DET1: variants seen among roughly 807,000 people sequenced by gnomAD.
DET1 encodes the protein DET1 homolog.
DET1 carries 22 observed loss-of-function variants against 43.7 expected under a neutral mutation model. The ratio of observed to expected loss-of-function variants is 0.50; its 90% CI spans 0.36 to 0.72. The LOEUF is 0.72. Among genes scored for constraint, DET1 ranks in the 30% least tolerant of loss-of-function variants. The pLI, the probability that DET1 is intolerant of heterozygous loss-of-function variation, is 0.00. For synonymous variants in DET1, 315 were observed against 266.2 expected, an observed-to-expected ratio of 1.18 and a Z score of -1.79; for missense variants, 713 against 713.3, an observed-to-expected ratio of 1.00 and a Z score of 0.00.
At chr15:88,530,000 TC>T (rs2056769137) in intron 2 of DET1, among the ~76,000 whole-genome samples, 1 of 152,228 alleles carries the variant, frequency 6.6e-6, no homozygotes, top group South Asian at 2.1e-4. Flanking sequence ...CTGATGACTC[TC>T]CTCACGGATC....
chr15:88,503,460 A>G (rs1423010784), intron 8 of DET1: 3 of 152,240 alleles, frequency 2.0e-5, no homozygotes, highest in Non-Finnish European at 4.4e-5. Flanking sequence ...TAACCAGTTT[A>G]GACCTAAATA....
chr15:88,543,895 T>C (rs1156951339), intron 1 of DET1, among the ~76,000 whole-genome samples: 1 of 152,166 alleles, frequency 6.6e-6, no homozygotes, highest in Non-Finnish European at 1.5e-5. Context: ...AGCAAGGTTC[T>C]AAACCCAGCC....
intron 8 of DET1, chr15:88,503,421 C>G (rs1444914822): frequency 6.6e-6 from 1 of 151,970 alleles, no homozygotes; most frequent in Non-Finnish European, 1.5e-5. Context: ...ATCAAATTTC[C>G]CTATTAATAT....
intron 3 of DET1, among the ~76,000 whole-genome samples, chr15:88,523,010 G>C (rs931486859): frequency 6.6e-6 from 1 of 151,478 alleles, no homozygotes; most frequent in Non-Finnish European, 1.5e-5. Context: ...GCCCCTCCAA[G>C]TAGCTGAGCC....
chr15:88,536,319 G>T, intron 1 of DET1: 1 of 778,792 alleles, frequency 1.3e-6, no homozygotes, highest in Non-Finnish European at 2.4e-6. Context: ...TACCTTTTTA[G>T]TATCTGTCCC....
chr15:88,539,856 G>A (rs532631359), intron 1 of DET1, among the ~76,000 whole-genome samples: 10 of 152,280 alleles, frequency 6.6e-5, no homozygotes, highest in South Asian at 2.1e-4. Flanking sequence ...AGATTAAACC[G>A]GTGGTGGGTT....
Position 88,531,820 on chromosome 15 carries a change from G to C in DET1, c.-10-105C>G. 1 of 1,113,050 alleles carries C rather than the reference G, an allele frequency of 9.0e-7. No individual in the cohort carries two copies. The highest frequency in any genetic ancestry group is 1.6e-5 in the African/African-American group (1 of 63,302). The allele number at this position is 1,113,050 out of a possible 1,614,324, so 68.9% of individuals were successfully genotyped here. A position where few individuals can be genotyped will look rare whatever the true frequency, so the allele number is the denominator to read the frequency against. On this transcript the variant is annotated intron_variant, in intron 1 of 4. Transcript: ENST00000268148. The surrounding 1 kb of genome is among the most constrained non-coding windows in gnomAD (Gnocchi z 6.2). ...TTCTCTTCTTATATCCTGAACCTAG[G>C]AGCTCCCAAGATGACAGTGACTGGC... is the stretch of plus-strand genomic sequence containing the variant.
chr15:88,526,169 A>G (rs976909515), intron 3 of DET1, among the ~76,000 whole-genome samples: 1 of 152,246 alleles, frequency 6.6e-6, no homozygotes, highest in African/African-American at 2.4e-5. Flanking sequence ...TTCAATAGCC[A>G]TCTATCTGTA....
chr15:88,515,371 C>A (rs2056312535), intron 4 of DET1, among the ~76,000 whole-genome samples: 1 of 151,600 alleles, frequency 6.6e-6, no homozygotes, highest in South Asian at 2.1e-4. Flanking sequence ...GAAACCCCGT[C>A]TCTACAAAAA....
chr15:88,538,131 A>C (rs1292809190), intron 1 of DET1, among the ~76,000 whole-genome samples: 1 of 152,198 alleles, frequency 6.6e-6, no homozygotes, highest in Non-Finnish European at 1.5e-5. Flanking sequence ...GAATTGGGAC[A>C]CTTGTAATGC....
intron 1 of DET1, among the ~76,000 whole-genome samples, chr15:88,537,435 A>G (rs980507004): frequency 6.6e-6 from 1 of 152,110 alleles, no homozygotes; most frequent in Non-Finnish European, 1.5e-5. Flanking sequence ...TCCCTGGCTC[A>G]AGTGATCTTT....
chr15:88,520,596 G>A (rs758149351), intron 3 of DET1, among the ~76,000 whole-genome samples: 29 of 152,220 alleles, frequency 1.9e-4, no homozygotes, highest in Non-Finnish European at 3.7e-4. Flanking sequence ...TCTCTTGCAA[G>A]CTGTTCAATC....
At position 88,513,081 on chromosome 15, in the gene DET1, C is replaced by G. The variant is rs777852532; in HGVS notation, c.1523G>C (p.Arg508Pro). 3 of 1,613,966 alleles carry G rather than the reference C, an allele frequency of 1.9e-6. No individual in the cohort carries two copies. Among genetic ancestry groups the G allele is most frequent in the Non-Finnish European group, 2.5e-6 (3 of 1,179,844 alleles). ...KFEIQAGLLG[R>P]PINHTVRRLV... Reference sequence around the variant, plus strand: ...GCGTCGCACTGTGTGGTTGATGGGGCGGCCCAATAACCCCGCCTGGATCTC... The same window carrying G: ...GCGTCGCACTGTGTGGTTGATGGGGGGGCCCAATAACCCCGCCTGGATCTC... The change falls in exon 5 of 5, where the codon CGC (arginine) becomes CCC (proline). Residue 508 changes from arginine (R) to proline (P), a missense_variant. Physicochemically the swap from Arg to Pro is moderately radical, Grantham distance 103. Coordinates refer to ENST00000268148, the MANE Select transcript of DET1 (RefSeq NM_001144074.3).
At chr15:88,538,178 C>A (rs1485002900) in intron 1 of DET1, among the ~76,000 whole-genome samples, 1 of 152,036 alleles carries the variant, frequency 6.6e-6, no homozygotes, top group Non-Finnish European at 1.5e-5. Flanking sequence ...TTTAGACTCT[C>A]CCTTAGCTAA....
In DET1 at chr15:88,540,888, C is replaced by T. The variant is rs564533452; in HGVS notation, c.-11+5652G>A. Among the ~76,000 whole-genome samples, 27 of 100,886 alleles carry T rather than the reference C, an allele frequency of 2.7e-4. No individual in the cohort carries two copies. In the East Asian group the frequency reaches 6.5e-3, roughly 24 times the overall value. 66.2% of individuals were successfully genotyped at this position (100,886 alleles called of 152,430 possible). On this transcript the variant is annotated intron_variant, in intron 1 of 4. Transcript: ENST00000268148. Reference sequence around the variant, plus strand: ...TCTGCCTAGGAAAGCCAGGTATTGTCCAAGGTTTCTCCCCATGTGATAGTC... The same window carrying T: ...TCTGCCTAGGAAAGCCAGGTATTGTTCAAGGTTTCTCCCCATGTGATAGTC...
chr15:88,533,433 A>AT (rs1410932800), intron 1 of DET1, among the ~76,000 whole-genome samples: 1 of 152,258 alleles, frequency 6.6e-6, no homozygotes, highest in East Asian at 1.9e-4. Context: ...ACTTCTGGGT[A>AT]TAAATCCAAA....
chr15:88,520,905 T>C (rs2142275889), intron 3 of DET1, among the ~76,000 whole-genome samples: 1 of 152,280 alleles, frequency 6.6e-6, no homozygotes, highest in South Asian at 2.1e-4. Flanking sequence ...ACTGCAATAG[T>C]CTCTTAACTG....
rs2056702793 is a variant in DET1, at chr15:88,527,709, C to G, written c.1161G>C (p.Leu387Phe). The G allele has an allele frequency of 6.2e-7, 1 of 1,613,836 alleles. No individual in the cohort carries two copies. The highest frequency in any genetic ancestry group is 8.5e-7 in the Non-Finnish European group (1 of 1,179,814). Residue 387 changes from leucine to phenylalanine, a missense_variant, in exon 3 of 5, where the codon TTG (leucine) becomes TTC (phenylalanine). Leu to Phe is a conservative substitution (Grantham distance 22). Transcript: ENST00000268148. ...AVFENTSDELLELFENFCDLF... is the reference protein window; with the variant it reads ...AVFENTSDELFELFENFCDLF... ...GGTCACAGAAGTTCTCAAAGAGCTC[C>G]AAAAGCTCATCTGATGTATTCTCAA...
chr15:88,530,622 C>G lies in DET1; in HGVS notation c.1083+1G>C. The G allele has an allele frequency of 6.3e-7, 1 of 1,597,970 alleles. No individual in the cohort carries two copies. Among genetic ancestry groups the G allele is most frequent in the Non-Finnish European group, 8.5e-7 (1 of 1,171,342 alleles). ...GTAAAAGGCAGGAGTGTACCTCATA[C>G]CTGTGATGGATCTGTGACTCGCAGT... is the stretch of plus-strand genomic sequence containing the variant. On this transcript the variant is annotated splice_donor_variant, in intron 2 of 4. Coordinates refer to ENST00000268148, the MANE Select transcript of DET1 (RefSeq NM_001144074.3). LOFTEE classifies it high-confidence loss of function.
Sources: gnomAD v4.1 joint callset for allele counts (sites outside exome capture counted in the v4.1 genomes callset) on GRCh38, gnomAD v4.1.1 for gene constraint, Gnocchi (gnomAD v3.1) non-coding constraint, MANE v1.5 for transcripts, NCBI Gene and HGNC (gene_info 2026-07-23, HGNC 2026-07-21) for gene names.